MANBAL: variants seen among roughly 807,000 people sequenced by gnomAD.
MANBAL encodes protein MANBAL.
MANBAL carries 1 observed loss-of-function variant against 6.4 expected under a neutral mutation model. That is an observed-to-expected ratio of 0.16 (90% CI 0.06 to 0.74). MANBAL has a LOEUF of 0.74. Among genes scored for constraint, MANBAL ranks in the 30% least tolerant of loss-of-function variants. MANBAL has a pLI of 0.78. For synonymous variants in MANBAL, 47 were observed against 45.8 expected (o/e 1.03, Z -0.10); for missense variants, 100 against 107.8 (o/e 0.93, Z 0.32).
chr20:37,291,289 T>C (rs1020327030), intron 1 of MANBAL, among the ~76,000 whole-genome samples: 2 of 152,224 alleles, frequency 1.3e-5, no homozygotes, highest in African/African-American at 4.8e-5. Flanking sequence ...ATCTGAAATG[T>C]CACAATTACT....
At chr20:37,316,243 A>T in intron 2 of MANBAL, 65 bp from the exon 3 acceptor site, 1 of 1,438,488 alleles carries the variant, frequency 7.0e-7, no homozygotes, top group Non-Finnish European at 9.6e-7. Context: ...TTCAGATGTG[A>T]TCTCCTTTTG....
At chr20:37,312,784 G>T (rs2069417347) in intron 2 of MANBAL, among the ~76,000 whole-genome samples, 1 of 152,154 alleles carries the variant, frequency 6.6e-6, no homozygotes, top group African/African-American at 2.4e-5. Context: ...TAGCTGGGAG[G>T]ACAAGCATGT....
chr20:37,290,903 C>T (rs1300392417), intron 1 of MANBAL, among the ~76,000 whole-genome samples: 2 of 152,342 alleles, frequency 1.3e-5, no homozygotes, highest in East Asian at 3.9e-4. Flanking sequence ...AGCCACTGTG[C>T]CTGGCCTAAA....
intron 2 of MANBAL, among the ~76,000 whole-genome samples, chr20:37,308,138 C>T (rs569801833): frequency 1.3e-5 from 2 of 152,192 alleles, no homozygotes; most frequent in Admixed American, 6.5e-5. Context: ...TCCTGCTGGT[C>T]TCAGTTCCAG....
At chr20:37,302,351 G>T in intron 2 of MANBAL, 1 of 1,550,384 alleles carries the variant, frequency 6.5e-7, no homozygotes, top group Non-Finnish European at 8.7e-7. Context: ...CTGGTGCTAT[G>T]TACTCCCTAC....
intron 1 of MANBAL, among the ~76,000 whole-genome samples, 175 bp downstream of exon 1, chr20:37,289,861 G>A (rs2068823466): frequency 6.6e-6 from 1 of 152,248 alleles, no homozygotes; most frequent in Non-Finnish European, 1.5e-5. Context: ...TACTTCCGGA[G>A]GGGAATTTGA....
At chr20:37,292,926 C>T (rs1324029365) in intron 1 of MANBAL, among the ~76,000 whole-genome samples, 13 of 152,198 alleles carry the variant, frequency 8.5e-5, no homozygotes, top group Admixed American at 8.5e-4. Context: ...TTCTCAGTGT[C>T]CTTGCTTCTA....
Position 37,301,206 on chromosome 20 carries a change from A to G in MANBAL, c.-56-2A>G. 2.1e-6 allele frequency: 3 copies of G among 1,434,998 alleles called. No homozygotes were observed. Among genetic ancestry groups the G allele is most frequent in the African/African-American group, 1.4e-5 (1 of 69,656 alleles). 88.9% of individuals were successfully genotyped at this position (1,434,998 alleles called of 1,614,324 possible). A position where few individuals can be genotyped will look rare whatever the true frequency, so the allele number is the denominator to read the frequency against. ...ATGACACTGACCCTTTGCATTTACA[A>G]GTTGGTTCTAAAGAGTGGTGAGTCA... On this transcript the variant is annotated splice_acceptor_variant, in intron 1 of 2. Coordinates refer to ENST00000373606, the MANE Select transcript of MANBAL (RefSeq NM_001003897.2). LOFTEE classifies it low-confidence loss of function (5UTR_SPLICE).
intron 2 of MANBAL, among the ~76,000 whole-genome samples, chr20:37,310,358 G>C (rs754257091): frequency 1.3e-5 from 2 of 152,208 alleles, no homozygotes; most frequent in Non-Finnish European, 2.9e-5. Flanking sequence ...CACCTTCAGC[G>C]TTAAGCAGAC....
In MANBAL at chr20:37,310,958, T is replaced by G. The variant is rs555989313; in HGVS notation, c.151-5350T>G. ...AGCCCTTAATTGAGAGTCATTCTTG[T>G]CAGTGAAGAACTTGGAGCTACAGGC... On this transcript the variant is annotated intron_variant, in intron 2 of 2. Transcript: ENST00000373606. Among the ~76,000 whole-genome samples the G allele has an allele frequency of 2.2e-3, 340 of 152,318 alleles. 2 individuals carry two copies. Among genetic ancestry groups the G allele is most frequent in the Middle Eastern group, 6.8e-3 (2 of 294 alleles).
chr20:37,308,283 C>A (rs2069303011), intron 2 of MANBAL, among the ~76,000 whole-genome samples: 1 of 152,128 alleles, frequency 6.6e-6, no homozygotes, highest in Admixed American at 6.5e-5. Context: ...GCTAGGCAGA[C>A]AAAGCTGGGG....
chr20:37,307,441 G>C (rs2146818803), intron 2 of MANBAL, among the ~76,000 whole-genome samples: 1 of 152,294 alleles, frequency 6.6e-6, no homozygotes, highest in South Asian at 2.1e-4. Context: ...GGAAAGGCGA[G>C]CAAGAAGTTG....
intron 2 of MANBAL, among the ~76,000 whole-genome samples, chr20:37,305,054 G>C (rs1362973961): frequency 6.6e-6 from 1 of 152,182 alleles, no homozygotes; most frequent in Non-Finnish European, 1.5e-5. Context: ...GGTGAACAGG[G>C]ATGGGTTCGT....
intron 2 of MANBAL, among the ~76,000 whole-genome samples, chr20:37,303,501 T>C (rs1358921770): frequency 6.6e-6 from 1 of 152,244 alleles, no homozygotes; most frequent in African/African-American, 2.4e-5. Flanking sequence ...TGTAACTCTT[T>C]ATCTTATGCT....
Position 37,299,098 on chromosome 20 carries a change from G to T in MANBAL, c.-56-2110G>T, listed in dbSNP as rs370695134. ...GGGTGGGGTGGGGGCAGGGTCGGGT[G>T]GGGGCAGGGTCTCGCTCTGTCACCC... On this transcript the variant is annotated intron_variant, in intron 1 of 2. Coordinates refer to ENST00000373606, the MANE Select transcript of MANBAL (RefSeq NM_001003897.2). Among the ~76,000 whole-genome samples the T allele has an allele frequency of 2.0e-3, 295 of 151,242 alleles. 2 individuals carry two copies. The highest frequency in any genetic ancestry group is 6.8e-3 in the African/African-American group (281 of 41,112).
intron 2 of MANBAL, among the ~76,000 whole-genome samples, chr20:37,302,791 C>A (rs759764237): frequency 6.7e-6 from 1 of 148,520 alleles, no homozygotes; most frequent in African/African-American, 2.5e-5. Context: ...GGGCACTTAT[C>A]TGCCATTAAT....
Position 37,301,230 on chromosome 20 carries a change from CAGAAG to C in MANBAL, c.-30_-26del. ...AAGTTGGTTCTAAAGAGTGGTGAGT[CAGAAG>C]AGACGTCAGGCAGCAAGCGACTTGG... On this transcript the variant is annotated 5_prime_UTR_variant, in exon 2 of 3. Coordinates refer to ENST00000373606, the MANE Select transcript of MANBAL (RefSeq NM_001003897.2). The C allele has an allele frequency of 6.5e-7, 1 of 1,547,234 alleles. No homozygotes were observed. Among genetic ancestry groups the C allele is most frequent in the East Asian group, 2.3e-5 (1 of 43,198 alleles).
chr20:37,314,753 A>T (rs2069465056), intron 2 of MANBAL, among the ~76,000 whole-genome samples: 1 of 152,108 alleles, frequency 6.6e-6, no homozygotes, highest in African/African-American at 2.4e-5. Context: ...ATATCTGGTT[A>T]TCTCGCCTGG....
chr20:37,295,581 A>G (rs891551340), intron 1 of MANBAL, among the ~76,000 whole-genome samples: 4 of 152,188 alleles, frequency 2.6e-5, no homozygotes, highest in African/African-American at 7.2e-5. Flanking sequence ...AACGATTGAC[A>G]TACTGGGTAA....
Sources: allele counts gnomAD v4.1 joint callset (sites outside exome capture counted in the v4.1 genomes callset), GRCh38; gene constraint gnomAD v4.1.1; transcripts MANE v1.5; gene names NCBI Gene and HGNC (gene_info 2026-07-23, HGNC 2026-07-21).